STPG2: variants seen among roughly 807,000 people sequenced by gnomAD.
STPG2 encodes the protein sperm tail PG-rich repeat containing 2, also known as sperm-tail PG-rich repeat-containing protein 2.
Under a neutral mutation model 54.2 loss-of-function variants are expected in STPG2, and 56 were observed. That is an observed-to-expected ratio of 1.03 (90% CI 0.83 to 1.29). The LOEUF (loss-of-function observed/expected upper bound fraction) is 1.29. Among genes scored for constraint, STPG2 ranks in the 50% most tolerant of loss-of-function variants. The pLI, the probability that STPG2 is intolerant of heterozygous loss-of-function variation, is 0.00. For synonymous variants in STPG2, 200 were observed against 181.8 expected (o/e 1.10, Z -0.81); for missense variants, 596 against 544.9 (o/e 1.09, Z -0.93).
chr4:98,136,043 G>A (rs1273982500), intron 1 of STPG2, among the ~76,000 whole-genome samples: 1 of 151,192 alleles, frequency 6.6e-6, no homozygotes, highest in Non-Finnish European at 1.5e-5. Context: ...ATGAAAAGGT[G>A]GAATTAGCAG....
At chr4:98,100,220 T>A (rs1240376590) in intron 5 of STPG2, among the ~76,000 whole-genome samples, 1 of 152,198 alleles carries the variant, frequency 6.6e-6, no homozygotes, top group Non-Finnish European at 1.5e-5. Context: ...GATCTGTAAT[T>A]AATTCATTCA....
At chr4:97,602,928 A>T (rs1341904590) in intron 10 of STPG2, among the ~76,000 whole-genome samples, 1 of 151,742 alleles carries the variant, frequency 6.6e-6, no homozygotes, top group Non-Finnish European at 1.5e-5. Context: ...GACATAACCA[A>T]TGTAGTTCTG....
At chr4:97,767,594 T>C (rs1413942404) in intron 9 of STPG2, among the ~76,000 whole-genome samples, 1 of 152,194 alleles carries the variant, frequency 6.6e-6, no homozygotes, top group African/African-American at 2.4e-5. Context: ...TTATTCATAT[T>C]TGGCATTCAT....
intron 5 of STPG2, among the ~76,000 whole-genome samples, chr4:98,027,237 C>G (rs954326979): frequency 6.6e-6 from 1 of 152,144 alleles, no homozygotes; most frequent in Non-Finnish European, 1.5e-5. Flanking sequence ...GTCTCTTTTA[C>G]CATGTCAAAT....
At chr4:97,486,563 TGGTG>T (rs2148824500) in intron 4 of STPG2, among the ~76,000 whole-genome samples, 1 of 151,916 alleles carries the variant, frequency 6.6e-6, no homozygotes, top group African/African-American at 2.4e-5. Context: ...TCTACACTGC[TGGTG>T]GGAATGTAAA....
chr4:97,618,675 T>C (rs1008465868), intron 10 of STPG2, among the ~76,000 whole-genome samples: 1 of 152,218 alleles, frequency 6.6e-6, no homozygotes, highest in African/African-American at 2.4e-5. Flanking sequence ...TTTCTCAATA[T>C]AATGCTGTTT....
chr4:97,777,691 T>C, intron 9 of STPG2, among the ~76,000 whole-genome samples: 1 of 152,216 alleles, frequency 6.6e-6, no homozygotes, highest in African/African-American at 2.4e-5. Context: ...ACCGTTCTGT[T>C]GCATAAAAAG....
At chr4:97,481,915 C>T (rs1172931883) in intron 4 of STPG2, among the ~76,000 whole-genome samples, 1 of 151,564 alleles carries the variant, frequency 6.6e-6, no homozygotes, top group Non-Finnish European at 1.5e-5. Context: ...CCTTGTCTTG[C>T]TTCTCATTTG....
At chr4:97,876,847 T>A (rs1223144070) in intron 8 of STPG2, among the ~76,000 whole-genome samples, 1 of 152,028 alleles carries the variant, frequency 6.6e-6, no homozygotes, top group African/African-American at 2.4e-5. Context: ...TTTCTTAGCC[T>A]GGAAATAAGC....
At chr4:97,508,870 G>C (rs527769924) in intron 4 of STPG2, among the ~76,000 whole-genome samples, 2 of 152,172 alleles carry the variant, frequency 1.3e-5, no homozygotes, top group African/African-American at 4.8e-5. Context: ...CTGATTATCT[G>C]TAGAGAAGCA....
At chr4:97,859,156 C>CT (rs574520011) in intron 8 of STPG2, among the ~76,000 whole-genome samples, 5 of 152,022 alleles carry the variant, frequency 3.3e-5, no homozygotes, top group East Asian at 1.9e-4. Flanking sequence ...CAATGTTGAT[C>CT]TTTTTTTTCA....
At chr4:97,600,447 A>G (rs1376320502) in intron 10 of STPG2, among the ~76,000 whole-genome samples, 2 of 152,192 alleles carry the variant, frequency 1.3e-5, no homozygotes, top group Non-Finnish European at 2.9e-5. Context: ...AACCAGAAAA[A>G]AGGAAATGTT....
At chr4:98,019,843 T>C (rs1084776) in intron 5 of STPG2, among the ~76,000 whole-genome samples, 86,216 of 112,504 alleles carry the variant, frequency 0.77, 38,217 homozygotes, top group Middle Eastern at 0.94. Flanking sequence ...TATAAGAATG[T>C]TTGTGATTTT....
intron 10 of STPG2, among the ~76,000 whole-genome samples, chr4:97,585,117 A>G (rs1431578140): frequency 1.4e-5 from 2 of 146,770 alleles, no homozygotes; most frequent in Admixed American, 6.7e-5. Flanking sequence ...AAAAAAAAAA[A>G]AAAAAAACAA....
At chr4:97,491,265 C>A (rs938902828) in intron 4 of STPG2, among the ~76,000 whole-genome samples, 1 of 151,398 alleles carries the variant, frequency 6.6e-6, no homozygotes, top group African/African-American at 2.4e-5. Context: ...AACAACTTGC[C>A]CTCAGCTTCT....
chr4:97,952,079 C>A (rs975039681), intron 7 of STPG2, among the ~76,000 whole-genome samples: 2 of 152,044 alleles, frequency 1.3e-5, no homozygotes, highest in Non-Finnish European at 2.9e-5. Context: ...CAGACAGGCA[C>A]CTATTTTCAT....
chr4:97,585,009 T>C (rs1170231069), intron 10 of STPG2, among the ~76,000 whole-genome samples: 1 of 144,260 alleles, frequency 6.9e-6, no homozygotes, highest in Admixed American at 7.4e-5. Context: ...TGAAAATGAT[T>C]CCATGAAGCC....
intron 7 of STPG2, among the ~76,000 whole-genome samples, chr4:97,949,750 T>G (rs1268679890): frequency 2.0e-5 from 3 of 152,234 alleles, no homozygotes; most frequent in African/African-American, 7.2e-5. Context: ...CTGAGAAGTC[T>G]GCTGTTAGTC....
At chr4:97,540,205 C>G (rs1292583562) in intron 4 of STPG2, among the ~76,000 whole-genome samples, 1 of 151,866 alleles carries the variant, frequency 6.6e-6, no homozygotes, top group African/African-American at 2.4e-5. Context: ...TTGAAAAGAT[C>G]CACAAAATTG....
Sources: gnomAD v4.1 joint callset for allele counts (sites outside exome capture counted in the v4.1 genomes callset) on GRCh38, gnomAD v4.1.1 for gene constraint, MANE v1.5 for transcripts, NCBI Gene and HGNC (gene_info 2026-07-23, HGNC 2026-07-21) for gene names.